USP34: variants seen among roughly 807,000 people sequenced by gnomAD.
The protein encoded by USP34 is ubiquitin carboxyl-terminal hydrolase 34.
Under a neutral mutation model 460.3 loss-of-function variants are expected in USP34, and 70 were observed. The observed-to-expected ratio is 0.15, with a 90% CI of 0.13 to 0.19. The LOEUF is 0.19. Ranked by LOEUF, USP34 falls within the 10% of genes least tolerant of loss-of-function variation. USP34 has a pLI of 1.00. For missense variants in USP34, 3,985 were observed against 4,236.2 expected, an observed-to-expected ratio of 0.94 and a Z score of 1.65; for synonymous variants, 1,647 against 1,405.3, an observed-to-expected ratio of 1.17 and a Z score of -3.85.
At position 61,251,343 on chromosome 2, in the gene USP34, CTACTT is replaced by C. The variant is rs150931504; in HGVS notation, c.6222-2665_6222-2661del. ...ATGAATAACACTGATATTAAAATCA[CTACTT>C]TAAAGAGTTTGTTCAAAATAAATAT... is the stretch of plus-strand genomic sequence containing the variant. On this transcript the variant is annotated intron_variant, in intron 48 of 79. Coordinates refer to ENST00000398571, the MANE Select transcript of USP34 (RefSeq NM_014709.4). Among the ~76,000 whole-genome samples, 152 of 152,246 alleles carry C rather than the reference CTACTT, an allele frequency of 1.0e-3. 2 individuals are homozygous for C. In the East Asian group the frequency reaches 0.02, roughly 20 times the overall value.
intron 1 of USP34, among the ~76,000 whole-genome samples, chr2:61,468,572 CTAAG>C (rs1456227772): frequency 6.6e-6 from 1 of 152,156 alleles, no homozygotes; most frequent in Non-Finnish European, 1.5e-5. Flanking sequence ...TATTAAGAAA[CTAAG>C]TATTTTTAGA....
chr2:61,249,304 C>A (rs566097671), intron 48 of USP34, among the ~76,000 whole-genome samples: 1 of 152,130 alleles, frequency 6.6e-6, no homozygotes, highest in Non-Finnish European at 1.5e-5. Context: ...TACAATACTG[C>A]GAAGGTAACC....
intron 10 of USP34, among the ~76,000 whole-genome samples, chr2:61,353,056 TTCTGACACGCACAC>T (rs1460546962): frequency 1.3e-5 from 2 of 152,192 alleles, no homozygotes; most frequent in East Asian, 3.8e-4. Context: ...TGCTACCCAT[TTCTGACACGCACAC>T]TCCCAACCTG....
At chr2:61,455,772 C>G (rs1326266759) in intron 1 of USP34, among the ~76,000 whole-genome samples, 1 of 152,182 alleles carries the variant, frequency 6.6e-6, no homozygotes, top group African/African-American at 2.4e-5. Flanking sequence ...TTGCATATTT[C>G]TTATGCTAGC....
At chr2:61,459,338 T>A (rs1695531962) in intron 1 of USP34, among the ~76,000 whole-genome samples, 1 of 152,180 alleles carries the variant, frequency 6.6e-6, no homozygotes, top group African/African-American at 2.4e-5. Flanking sequence ...AGGAAGTACC[T>A]TCAAGGAAAA....
At chr2:61,294,260 C>G (rs945085530) in intron 32 of USP34, among the ~76,000 whole-genome samples, 1 of 151,584 alleles carries the variant, frequency 6.6e-6, no homozygotes, top group Non-Finnish European at 1.5e-5. Flanking sequence ...GCAGGAGAAT[C>G]GCGTGAACCT....
At chr2:61,246,593 AAAAAT>A (rs1467894346) in intron 49 of USP34, 116 bp from the exon 50 acceptor site, 56 of 763,290 alleles carry the variant, frequency 7.3e-5, no homozygotes, top group Non-Finnish European at 1.0e-4. Context: ...TTAATAAAAT[AAAAAT>A]AATTTTCCCA....
At chr2:61,278,090 C>T (rs1010602398) in intron 41 of USP34, 75 bp downstream of exon 41, 44 of 1,547,280 alleles carry the variant, frequency 2.8e-5, no homozygotes, top group Non-Finnish European at 3.5e-5. Context: ...AGTGTAAAAA[C>T]GGACTAATAC....
Position 61,350,584 on chromosome 2 carries a change from C to T in USP34, c.1361G>A (p.Ser454Asn). 2 of 1,611,432 alleles carry T rather than the reference C, an allele frequency of 1.2e-6. No individual in the cohort carries two copies. Among genetic ancestry groups the T allele is most frequent in the South Asian group, 2.2e-5 (2 of 90,396 alleles). ...ATGTATTACCTGTTCAGTATGAACA[C>T]TTGGCTCAAGAGCTGAGACCAGATT... ...LLNLVSALEP[S>N]VHTEQTLYLA... Residue 454 changes from serine to asparagine, a missense_variant, in exon 11 of 80, where the codon AGT becomes AAT. Ser to Asn is a conservative substitution (Grantham distance 46, BLOSUM62 1). This residue lies in a region of USP34 where 716 missense variants were observed against 626.2 expected (regional missense o/e 1.14). Transcript: ENST00000398571.
chr2:61,354,104 A>C (rs1369531089), intron 10 of USP34, among the ~76,000 whole-genome samples: 1 of 152,194 alleles, frequency 6.6e-6, no homozygotes, highest in Non-Finnish European at 1.5e-5. Context: ...TTAAATAACT[A>C]ACTAAATAAA....
chr2:61,407,023 T>C (rs1254215703), intron 2 of USP34, among the ~76,000 whole-genome samples: 1 of 151,946 alleles, frequency 6.6e-6, no homozygotes. Context: ...AAAAAAAGTA[T>C]TACAAACAAA....
chr2:61,418,621 C>T (rs890578683), intron 2 of USP34, among the ~76,000 whole-genome samples: 2 of 152,100 alleles, frequency 1.3e-5, no homozygotes, highest in Admixed American at 6.5e-5. Flanking sequence ...TTTATTAGTA[C>T]CTGTTTATCC....
rs1573020415 is a variant in USP34, at chr2:61,417,230, C to A, written c.131+3516G>T. ...GGTAGTGCAAGGTCAGAAACACGAA[C>A]ATACATCTGAAAGGCCTGTCTCCAA... is the stretch of plus-strand genomic sequence containing the variant. On this transcript the variant is annotated intron_variant, in intron 2 of 79. Transcript: ENST00000398571. The A allele has an allele frequency of 2.8e-6, 4 of 1,442,582 alleles. No homozygotes were observed. The East Asian group carries it at 9.1e-5, about 33-fold the overall frequency. The allele number at this position is 1,442,582 out of a possible 1,614,324, so 89.4% of individuals were successfully genotyped here.
intron 76 of USP34, among the ~76,000 whole-genome samples, chr2:61,191,925 C>G (rs1016449713): frequency 1.3e-5 from 2 of 152,216 alleles, no homozygotes; most frequent in African/African-American, 4.8e-5. Context: ...GAGCTAAGAT[C>G]AGTGTATACT....
chr2:61,385,295 T>C (rs1434798320), intron 5 of USP34, among the ~76,000 whole-genome samples: 3 of 152,178 alleles, frequency 2.0e-5, no homozygotes, highest in East Asian at 1.9e-4. Context: ...AATTCATCTA[T>C]AGATTCAGTA....
chr2:61,192,503 C>G (rs1401890781), intron 76 of USP34, among the ~76,000 whole-genome samples: 7 of 152,170 alleles, frequency 4.6e-5, no homozygotes, highest in African/African-American at 1.7e-4. Flanking sequence ...GGACAGACTG[C>G]TGACAGGGTT....
At chr2:61,406,640 C>T (rs1328909279) in intron 2 of USP34, among the ~76,000 whole-genome samples, 1 of 151,162 alleles carries the variant, frequency 6.6e-6, no homozygotes, top group African/African-American at 2.4e-5. Flanking sequence ...AACACACACA[C>T]ACTCTCTCTT....
intron 33 of USP34, among the ~76,000 whole-genome samples, chr2:61,290,412 C>T (rs1689815167): frequency 6.6e-6 from 1 of 152,122 alleles, no homozygotes; most frequent in African/African-American, 2.4e-5. Flanking sequence ...TTTATTTTAA[C>T]AACCCAAAAC....
chr2:61,438,052 AAAAG>A (rs1694865530), intron 1 of USP34, among the ~76,000 whole-genome samples: 2 of 152,068 alleles, frequency 1.3e-5, no homozygotes, highest in African/African-American at 2.4e-5. Context: ...AAACAAACAA[AAAAG>A]AAAACTACAT....
Sources: allele counts gnomAD v4.1 joint callset (sites outside exome capture counted in the v4.1 genomes callset), GRCh38; gene constraint gnomAD v4.1.1; regional missense constraint gnomAD v4.1.1; transcripts MANE v1.5; gene names NCBI Gene and HGNC (gene_info 2026-07-23, HGNC 2026-07-21).